Variants in ERICH3 observed in about 807,000 individuals in gnomAD.
ERICH3 encodes glutamate-rich protein 3.
Under a neutral mutation model 131.1 loss-of-function variants are expected in ERICH3, and 126 were observed. That is an observed-to-expected ratio of 0.96 (90% CI 0.83 to 1.11). ERICH3 has a LOEUF of 1.11. Ranked by LOEUF, ERICH3 falls within the 50% of genes most tolerant of loss-of-function variation. ERICH3 has a pLI of 0.00. For missense variants in ERICH3, 2,050 were observed against 1,810.7 expected (o/e 1.13, Z -2.40); for synonymous variants, 695 against 644.6 (o/e 1.08, Z -1.18).
intron 3 of ERICH3, among the ~76,000 whole-genome samples, chr1:74,644,995 C>T (rs185509376): frequency 4.3e-4 from 65 of 152,102 alleles, no homozygotes; most frequent in African/African-American, 1.5e-3. Context: ...AGTGAGGGTT[C>T]CTTTCCATCT....
chr1:74,580,171 T>C (rs1647152567), intron 12 of ERICH3, among the ~76,000 whole-genome samples: 1 of 152,078 alleles, frequency 6.6e-6, no homozygotes, highest in Admixed American at 6.6e-5. Context: ...TCTTAATAGA[T>C]TTCCAAGTAT....
intron 5 of ERICH3, among the ~76,000 whole-genome samples, chr1:74,638,185 C>G (rs1257973800): frequency 6.6e-6 from 1 of 152,106 alleles, no homozygotes; most frequent in African/African-American, 2.4e-5. Flanking sequence ...CAAAAACCAG[C>G]CTTAGAAGTT....
At chr1:74,673,343 C>G (rs956080661) in intron 1 of ERICH3, among the ~76,000 whole-genome samples, 154 bp downstream of exon 1, 19 of 152,062 alleles carry the variant, frequency 1.2e-4, no homozygotes, top group Admixed American at 1.2e-3. Context: ...CTGCCATCCT[C>G]GCTGCAACCC....
chr1:74,576,942 T>TAAA lies in ERICH3; in HGVS notation c.2177-9_2177-7dup. On this transcript the variant is annotated splice_polypyrimidine_tract_variant and splice_region_variant and intron_variant, in intron 12 of 14. Coordinates refer to ENST00000326665, the MANE Select transcript of ERICH3 (RefSeq NM_001002912.5). ...TAATGGCAATGAATCCTTTCCTAGT[T>TAAA]AAAAAAAAAAAAAAGAAAAAAAAGG... 1.0e-5 allele frequency: 14 copies of TAAA among 1,375,472 alleles called. No homozygotes were observed. The highest frequency in any genetic ancestry group is 2.1e-5 in the Admixed American group (1 of 47,528). 85.2% of individuals were successfully genotyped at this position (1,375,472 alleles called of 1,614,324 possible). A position where few individuals can be genotyped will look rare whatever the true frequency, so the allele number is the denominator to read the frequency against.
chr1:74,599,635 G>C (rs1286136526), intron 11 of ERICH3, 60 bp downstream of exon 11: 1 of 1,329,300 alleles, frequency 7.5e-7, no homozygotes, highest in African/African-American at 1.5e-5. Context: ...AGAAAACAAA[G>C]AAAAGTAGTA....
At chr1:74,595,828 G>A (rs1366004614) in intron 11 of ERICH3, among the ~76,000 whole-genome samples, 3 of 151,984 alleles carry the variant, frequency 2.0e-5, no homozygotes, top group Non-Finnish European at 2.9e-5. Context: ...TATGGATTGG[G>A]GAATTATTAC....
intron 1 of ERICH3, among the ~76,000 whole-genome samples, chr1:74,662,896 AT>A (rs1303385905): frequency 6.6e-6 from 1 of 152,164 alleles, no homozygotes; most frequent in East Asian, 1.9e-4. Flanking sequence ...CACGCCTGTA[AT>A]CCCAGCTATT....
chr1:74,592,219 A>G (rs1464927532), intron 11 of ERICH3: 1 of 152,068 alleles, frequency 6.6e-6, no homozygotes, highest in African/African-American at 2.4e-5. Flanking sequence ...GATGACCACT[A>G]TTTTTCAAAT....
intron 8 of ERICH3, among the ~76,000 whole-genome samples, chr1:74,614,686 A>C (rs775787511): frequency 3.6e-4 from 54 of 152,094 alleles, no homozygotes; most frequent in Admixed American, 2.1e-3. Context: ...AAAAAAAAAA[A>C]AAAAAACTCT....
chr1:74,577,038 C>T (rs1432051358), intron 12 of ERICH3, 102 bp from the exon 13 acceptor site: 8 of 981,864 alleles, frequency 8.1e-6, no homozygotes, highest in African/African-American at 1.7e-5. Flanking sequence ...GCAAATTCAC[C>T]TAGCTGTTCA....
intron 12 of ERICH3, chr1:74,579,471 C>T: frequency 1.0e-6 from 1 of 985,382 alleles, no homozygotes; most frequent in Non-Finnish European, 1.2e-6. Context: ...CCCACGTCTG[C>T]TGGCTTGCCC....
In ERICH3 at chr1:74,659,745, T is replaced by G. The variant is rs115966098; in HGVS notation, c.24-10430A>C. ...TATCCCATTTCACAAATAAGTAAAT[T>G]ATACTCATACAAGAAGGGTATCCAA... On this transcript the variant is annotated intron_variant, in intron 1 of 14. Coordinates refer to ENST00000326665, the MANE Select transcript of ERICH3 (RefSeq NM_001002912.5). 3.8e-3 allele frequency among the ~76,000 whole-genome samples: 577 copies of G among 152,286 alleles called. 2 individuals carry two copies. The highest frequency in any genetic ancestry group is 0.013 in the African/African-American group (544 of 41,564).
chr1:74,633,428 A>G (rs1317372902), intron 6 of ERICH3, among the ~76,000 whole-genome samples: 1 of 151,970 alleles, frequency 6.6e-6, no homozygotes, highest in Non-Finnish European at 1.5e-5. Flanking sequence ...TAATGACAAG[A>G]AAATCAATGA....
At chr1:74,576,754 C>T in intron 13 of ERICH3, 141 bp downstream of exon 13, 2 of 694,846 alleles carry the variant, frequency 2.9e-6, no homozygotes, top group Non-Finnish European at 4.7e-6. Context: ...TAAATATATT[C>T]AAATAAGCAC....
At chr1:74,639,857 G>A (rs918254270) in intron 5 of ERICH3, among the ~76,000 whole-genome samples, 9 of 152,052 alleles carry the variant, frequency 5.9e-5, no homozygotes, top group African/African-American at 2.2e-4. Flanking sequence ...TCATCTCAGG[G>A]ACACTTGGAG....
At chr1:74,642,170 T>C (rs1027489944) in intron 4 of ERICH3, among the ~76,000 whole-genome samples, 1 of 152,196 alleles carries the variant, frequency 6.6e-6, no homozygotes, top group Non-Finnish European at 1.5e-5. Flanking sequence ...AACTCTTTGA[T>C]CTTGGACCCA....
At position 74,673,740 on chromosome 1, in the gene ERICH3, C is replaced by A; in HGVS notation, c.-221G>T. 1 of 419,658 alleles carries A rather than the reference C, an allele frequency of 2.4e-6. No individual in the cohort carries two copies. Among genetic ancestry groups the A allele is most frequent in the Non-Finnish European group, 4.2e-6 (1 of 240,728 alleles). 26.0% of individuals were successfully genotyped at this position (419,658 alleles called of 1,614,324 possible). On this transcript the variant is annotated 5_prime_UTR_variant, in exon 1 of 15. Transcript: ENST00000326665. ...GTTGGTATCCACAGCTTCCCTGTTG[C>A]TAAGGGAGGAGAGAGGCAAGCGCCC...
intron 8 of ERICH3, among the ~76,000 whole-genome samples, chr1:74,618,953 T>C (rs528988549): frequency 2.6e-5 from 4 of 152,222 alleles, no homozygotes; most frequent in Non-Finnish European, 5.9e-5. Flanking sequence ...AAAGGGCAGA[T>C]TCTTTTCAGT....
intron 7 of ERICH3, among the ~76,000 whole-genome samples, chr1:74,631,131 T>C (rs1646328483): frequency 6.6e-6 from 1 of 152,134 alleles, no homozygotes; most frequent in Admixed American, 6.6e-5. Flanking sequence ...TTAATTGCTA[T>C]TGGTTGTATA....
Sources: gnomAD v4.1 joint callset for allele counts (sites outside exome capture counted in the v4.1 genomes callset) on GRCh38, gnomAD v4.1.1 for gene constraint, MANE v1.5 for transcripts, NCBI Gene and HGNC (gene_info 2026-07-23, HGNC 2026-07-21) for gene names.